MPDZ: variants seen among roughly 807,000 people sequenced by gnomAD.
MPDZ encodes multiple PDZ domain crumbs cell polarity complex component.
A neutral mutation model predicts 239.1 loss-of-function variants in MPDZ; 234 were observed. The ratio of observed to expected loss-of-function variants is 0.98; its 90% CI spans 0.88 to 1.09. The LOEUF is 1.09. MPDZ is among the 50% of genes least tolerant of loss of function. The pLI is 0.00. For synonymous variants in MPDZ, 1,048 were observed against 881.3 expected, an observed-to-expected ratio of 1.19 and a Z score of -3.35; for missense variants, 3,175 against 2,510.0, an observed-to-expected ratio of 1.26 and a Z score of -5.66.
At chr9:13,268,167 T>TAC (rs1972183484) in intron 1 of MPDZ, among the ~76,000 whole-genome samples, 1 of 150,958 alleles carries the variant, frequency 6.6e-6, no homozygotes, top group African/African-American at 2.4e-5. Flanking sequence ...TATATATATA[T>TAC]ATACACACAT....
intron 1 of MPDZ, among the ~76,000 whole-genome samples, chr9:13,262,386 G>T (rs944504048): frequency 6.6e-6 from 1 of 152,070 alleles, no homozygotes; most frequent in African/African-American, 2.4e-5. Flanking sequence ...GGTGGTAGAG[G>T]CTGCAGTGAC....
rs1188212836 is a variant in MPDZ, at chr9:13,113,978, C to G, written c.5510G>C (p.Gly1837Ala). 6.3e-7 allele frequency: 1 copy of G among 1,598,950 alleles called. No homozygotes were observed. Among genetic ancestry groups the G allele is most frequent in the East Asian group, 2.2e-5 (1 of 44,578 alleles). Residue 1837 changes from glycine to alanine, a missense_variant, in exon 41 of 47, where the codon GGA becomes GCA. Coordinates refer to ENST00000319217, the MANE Select transcript of MPDZ (RefSeq NM_001378778.1). ...SLSSFTFPLS[G>A]SSTSESLESS... ...TTCCAGTGACTCAGATGTACTGGAT[C>G]CAGAGAGTGGAAAAGTGAAAGATGA...
intron 10 of MPDZ, among the ~76,000 whole-genome samples, chr9:13,209,079 T>C (rs756397578): frequency 3.3e-5 from 5 of 152,116 alleles, no homozygotes; most frequent in Non-Finnish European, 7.4e-5. Context: ...TGTGTGGGAA[T>C]AGCCTGTCTG....
chr9:13,211,289 AAGGG>A (rs575953790), intron 10 of MPDZ, among the ~76,000 whole-genome samples: 34 of 152,106 alleles, frequency 2.2e-4, no homozygotes, highest in Non-Finnish European at 4.3e-4. Context: ...TAAAAATTAA[AAGGG>A]GCAGTTGATG....
intron 21 of MPDZ, among the ~76,000 whole-genome samples, chr9:13,169,294 C>T (rs1385781075): frequency 6.6e-6 from 1 of 152,090 alleles, no homozygotes; most frequent in Non-Finnish European, 1.5e-5. Context: ...GCAATCTTAG[C>T]ATGTATAAAA....
intron 1 of MPDZ, among the ~76,000 whole-genome samples, chr9:13,275,021 AAAGAT>A (rs1973855419): frequency 1.3e-5 from 2 of 152,380 alleles, no homozygotes; most frequent in Non-Finnish European, 2.9e-5. Context: ...GCCTCAGGCC[AAAGAT>A]AAAATACCTT....
chr9:13,113,356 G>A (rs976482998), intron 41 of MPDZ, among the ~76,000 whole-genome samples: 2 of 152,044 alleles, frequency 1.3e-5, no homozygotes, highest in African/African-American at 2.4e-5. Flanking sequence ...AGGCACATGT[G>A]CACGGCTGAG....
In MPDZ at chr9:13,110,075, G is replaced by C. The variant is rs773075447; in HGVS notation, c.5830-11C>G. ...TCCTCCAGCAACCACCTGCGCACAG[G>C]AGGAGGATAAACAGAAAAAACACAT... On this transcript the variant is annotated splice_polypyrimidine_tract_variant and intron_variant, in intron 44 of 46. Coordinates refer to ENST00000319217, the MANE Select transcript of MPDZ (RefSeq NM_001378778.1). 1.9e-6 allele frequency: 3 copies of C among 1,603,206 alleles called. No homozygotes were observed. Among genetic ancestry groups the C allele is most frequent in the Non-Finnish European group, 2.6e-6 (3 of 1,173,776 alleles).
chr9:13,239,748 T>G (rs1475714279), intron 3 of MPDZ, among the ~76,000 whole-genome samples: 2 of 152,134 alleles, frequency 1.3e-5, no homozygotes, highest in African/African-American at 4.8e-5. Flanking sequence ...GGCATGGACT[T>G]TATGCCAAAA....
In MPDZ at chr9:13,240,580, T is replaced by TAAAAA. The variant is rs71331533; in HGVS notation, c.183+7050_183+7054dup. On this transcript the variant is annotated intron_variant, in intron 3 of 46. Transcript: ENST00000319217. ...CAGAAACAGTGTAACATAATAAAAG[T>TAAAAA]AAAAAAAAAAAAAAAAAAAAAAAAA... is the stretch of plus-strand genomic sequence containing the variant. Among the ~76,000 whole-genome samples the TAAAAA allele has an allele frequency of 4.3e-4, 19 of 44,018 alleles. 1 individual carries two copies. The highest frequency in any genetic ancestry group is 5.8e-4 in the African/African-American group (5 of 8,572). 28.9% of individuals were successfully genotyped at this position (44,018 alleles called of 152,430 possible). A position where few individuals can be genotyped will look rare whatever the true frequency, so the allele number is the denominator to read the frequency against.
chr9:13,191,180 T>C (rs1488524291), intron 15 of MPDZ, among the ~76,000 whole-genome samples: 2 of 152,154 alleles, frequency 1.3e-5, no homozygotes, highest in African/African-American at 2.4e-5. Context: ...TGGATACATA[T>C]AGGGTACTAG....
rs754726267 is a variant in MPDZ, at chr9:13,121,726, T to C, written c.5231+13A>G. The C allele has an allele frequency of 3.1e-6, 5 of 1,613,596 alleles. No homozygotes were observed. Among genetic ancestry groups the C allele is most frequent in the Non-Finnish European group, 4.2e-6 (5 of 1,179,654 alleles). On this transcript the variant is annotated intron_variant, in intron 38 of 46. Transcript: ENST00000319217. The stretch of plus-strand genomic sequence containing the variant: ...TTCCAAGGGAGCATTGGGTTTGTCC[T>C]CCTCAATCACACCTTTTACCAACAA...
At chr9:13,251,458 C>T (rs2138078212) in intron 1 of MPDZ, among the ~76,000 whole-genome samples, 1 of 152,290 alleles carries the variant, frequency 6.6e-6, no homozygotes, top group East Asian at 1.9e-4. Flanking sequence ...TGAGCCTTTG[C>T]TGCCGAACAA....
Position 13,219,586 on chromosome 9 carries a change from TGAG to T in MPDZ, c.1056_1058del (p.Ser354del). ...GCAACTCTGGTGTTGAAGTTGGGGA[TGAG>T]GAGAGGGTGATGCCCAAAGCAGTGG... On this transcript the variant is annotated inframe_deletion, in exon 8 of 47. Coordinates refer to ENST00000319217, the MANE Select transcript of MPDZ (RefSeq NM_001378778.1). 2.5e-6 allele frequency: 4 copies of T among 1,612,128 alleles called. No individual in the cohort carries two copies. Among genetic ancestry groups the T allele is most frequent in the Non-Finnish European group, 3.4e-6 (4 of 1,178,922 alleles).
At chr9:13,253,179 G>C (rs1219249692) in intron 1 of MPDZ, among the ~76,000 whole-genome samples, 1 of 146,492 alleles carries the variant, frequency 6.8e-6, no homozygotes, top group Non-Finnish European at 1.5e-5. Context: ...AGTCAGTTAT[G>C]TTAAAACAGA....
In MPDZ at chr9:13,140,017, C is replaced by T. The variant is rs1296573348; in HGVS notation, c.3973G>A (p.Asp1325Asn). The change falls in exon 28 of 47, where the codon GAC becomes AAC. Residue 1325 changes from aspartate to asparagine, a missense_variant. Transcript: ENST00000319217. ...CTGTAACCAAACTCATCCTCTTTGTCCACATCTTGTGAGATTTTGCTTGCA... is the reference window on the plus strand; with the variant it reads ...CTGTAACCAAACTCATCCTCTTTGTTCACATCTTGTGAGATTTTGCTTGCA... Reference protein sequence around the residue: ...SSASKISQDVDKEDEFGYSWK... With the variant: ...SSASKISQDVNKEDEFGYSWK... The T allele has an allele frequency of 1.2e-6, 2 of 1,613,390 alleles. No homozygotes were observed. The highest frequency in any genetic ancestry group is 1.3e-5 in the African/African-American group (1 of 74,856).
intron 21 of MPDZ, among the ~76,000 whole-genome samples, chr9:13,175,480 A>T (rs1418397473): frequency 6.6e-6 from 1 of 152,196 alleles, no homozygotes; most frequent in Admixed American, 6.5e-5. Flanking sequence ...TTGCTGTTTC[A>T]TACACAAACA....
intron 2 of MPDZ, 52 bp from the exon 3 acceptor site, chr9:13,247,853 C>T: frequency 6.6e-7 from 1 of 1,512,216 alleles, no homozygotes. Flanking sequence ...GACACATGTC[C>T]AGCCTAAGAG....
intron 12 of MPDZ, among the ~76,000 whole-genome samples, chr9:13,203,986 G>A (rs1010833468): frequency 1.3e-5 from 2 of 152,108 alleles, no homozygotes; most frequent in Admixed American, 1.3e-4. Context: ...ATGGCAGAAT[G>A]TTATTAGTAC....
Sources: gnomAD v4.1 joint callset for allele counts (sites outside exome capture counted in the v4.1 genomes callset) on GRCh38, gnomAD v4.1.1 for gene constraint, MANE v1.5 for transcripts, NCBI Gene and HGNC (gene_info 2026-07-23, HGNC 2026-07-21) for gene names.